NR1D2: variants seen among roughly 807,000 people sequenced by gnomAD.
NR1D2 encodes V-erbA-related protein 1-related.
Under a neutral mutation model 52.2 loss-of-function variants are expected in NR1D2, and 25 were observed. The observed-to-expected ratio is 0.48, with a 90% CI of 0.35 to 0.67. The LOEUF (loss-of-function observed/expected upper bound fraction) is 0.67, where lower values mean the gene tolerates loss of function less well. NR1D2 is among the 30% of genes least tolerant of loss of function. The pLI, the probability that NR1D2 is intolerant of heterozygous loss-of-function variation, is 0.01. For missense variants in NR1D2, 681 were observed against 707.2 expected (o/e 0.96, Z 0.42); for synonymous variants, 259 against 230.1 (o/e 1.13, Z -1.14).
At position 23,967,931 on chromosome 3, in the gene NR1D2, A is replaced by G. The variant is rs150332369; in HGVS notation, c.1451A>G (p.Asn484Ser). The G allele has an allele frequency of 1.2e-6, 2 of 1,613,864 alleles. No individual in the cohort carries two copies. The highest frequency in any genetic ancestry group is 1.3e-5 in the African/African-American group (1 of 74,890). Residue 484 changes from asparagine (N) to serine (S), a missense_variant, in exon 7 of 8, where the codon AAC becomes AGC. Asn to Ser is a conservative substitution (Grantham distance 46, BLOSUM62 1). Transcript: ENST00000312521. ...TCAATGGGAGCAGGGGATCTGCTAAACTCTATGTTTGAATTTAGTGAGAAG... is the reference window on the plus strand; with the variant it reads ...TCAATGGGAGCAGGGGATCTGCTAAGCTCTATGTTTGAATTTAGTGAGAAG... ...LHSMGAGDLL[N>S]SMFEFSEKLN... is the part of the protein sequence containing the mutation.
chr3:23,960,834 G>C (rs1027706733), intron 4 of NR1D2, among the ~76,000 whole-genome samples: 1 of 152,136 alleles, frequency 6.6e-6, no homozygotes, highest in Non-Finnish European at 1.5e-5. Context: ...GTTTGTTTTT[G>C]GTAGCAATAA....
intron 7 of NR1D2, among the ~76,000 whole-genome samples, chr3:23,972,782 A>G (rs1214256982): frequency 6.6e-6 from 1 of 152,142 alleles, no homozygotes; most frequent in Non-Finnish European, 1.5e-5. Flanking sequence ...CAACATGTGT[A>G]CTCTTAACAT....
In NR1D2 at chr3:23,978,321, G is replaced by T. The variant is rs1283892836; in HGVS notation, c.*902G>T. ...TCATACAGGAAACTTAAAACAAGAG[G>T]TGTCAAAAGACCCAAATTAGGTGCA... On this transcript the variant is annotated 3_prime_UTR_variant, in exon 8 of 8. Coordinates refer to ENST00000312521, the MANE Select transcript of NR1D2 (RefSeq NM_005126.5). The T allele has an allele frequency of 6.6e-6, 1 of 152,034 alleles. No homozygotes were observed. The allele number at this position is 152,034 out of a possible 1,614,324, so 9.4% of individuals were successfully genotyped here.
chr3:23,968,598 A>T (rs192636721), intron 7 of NR1D2, among the ~76,000 whole-genome samples: 1 of 152,340 alleles, frequency 6.6e-6, no homozygotes, highest in African/African-American at 2.4e-5. Context: ...TGTCTGGCAT[A>T]GAAGAGCTAC....
At chr3:23,952,161 C>CT (rs1428553375) in intron 1 of NR1D2, among the ~76,000 whole-genome samples, 1 of 152,122 alleles carries the variant, frequency 6.6e-6, no homozygotes, top group Non-Finnish European at 1.5e-5. Flanking sequence ...AGGGCCCACA[C>CT]TTTGAGATGG....
rs1422395713 is a variant in NR1D2, at chr3:23,961,420, G to C, written c.518-557G>C. On this transcript the variant is annotated intron_variant, in intron 4 of 7. Coordinates refer to ENST00000312521, the MANE Select transcript of NR1D2 (RefSeq NM_005126.5). ...TTTTTTTTTTTTTTTTTTTAAGATGGAGTATTGCTCTGTCACCTAGGCTGG... is the reference window on the plus strand; with the variant it reads ...TTTTTTTTTTTTTTTTTTTAAGATGCAGTATTGCTCTGTCACCTAGGCTGG... Among the ~76,000 whole-genome samples the C allele has an allele frequency of 2.4e-5, 3 of 124,028 alleles. No individual in the cohort carries two copies. In the Admixed American group the frequency reaches 2.9e-4, roughly 12 times the overall value. 81.4% of individuals were successfully genotyped at this position (124,028 alleles called of 152,430 possible). A position where few individuals can be genotyped will look rare whatever the true frequency, so the allele number is the denominator to read the frequency against.
rs201106205 is a variant in NR1D2, at chr3:23,962,198, G to C, written c.739G>C (p.Asp247His). 3 of 1,614,152 alleles carry C rather than the reference G, an allele frequency of 1.9e-6. No individual in the cohort carries two copies. Among genetic ancestry groups the C allele is most frequent in the Non-Finnish European group, 2.5e-6 (3 of 1,180,030 alleles). ...CAAAAGCTCTTCTCCTCCATCTTCT[G>C]ATTTTGCAAAGGAAGAAGTGATTGG... The part of the protein sequence containing the change: ...NIKSSSPPSS[D>H]FAKEEVIGMV... Residue 247 changes from aspartate (D) to histidine (H), a missense_variant, in exon 5 of 8, where the codon GAT becomes CAT. Around this residue, in one of 3 missense-constraint regions of NR1D2, gnomAD observed 475 missense variants for 454.5 expected, o/e 1.05. Coordinates refer to ENST00000312521, the MANE Select transcript of NR1D2 (RefSeq NM_005126.5).
chr3:23,957,885 A>T (rs530900346), intron 3 of NR1D2, among the ~76,000 whole-genome samples: 3 of 152,166 alleles, frequency 2.0e-5, no homozygotes. Flanking sequence ...TATCTAAGTC[A>T]AGTGTATAGT....
intron 7 of NR1D2, among the ~76,000 whole-genome samples, chr3:23,974,151 A>C (rs1054052883): frequency 2.4e-5 from 3 of 127,518 alleles, no homozygotes; most frequent in Non-Finnish European, 3.1e-5. Flanking sequence ...CATGCCTGTA[A>C]TCCCAGCACT....
chr3:23,970,752 G>A (rs73038519), intron 7 of NR1D2, among the ~76,000 whole-genome samples: 1 of 151,974 alleles, frequency 6.6e-6, no homozygotes, highest in Non-Finnish European at 1.5e-5. Context: ...AAAATTACTA[G>A]CTGTTTTTTG....
chr3:23,951,945 T>C (rs1169354981), intron 1 of NR1D2, among the ~76,000 whole-genome samples: 1 of 152,220 alleles, frequency 6.6e-6, no homozygotes, highest in Non-Finnish European at 1.5e-5. Flanking sequence ...GATTTTAGAA[T>C]AAATGGTAGA....
chr3:23,969,616 G>T (rs752875184), intron 7 of NR1D2, among the ~76,000 whole-genome samples: 1 of 152,232 alleles, frequency 6.6e-6, no homozygotes, highest in Non-Finnish European at 1.5e-5. Flanking sequence ...ATCAATACTT[G>T]TTAAATTATT....
Position 23,962,515 on chromosome 3 carries a change from A to T in NR1D2, c.1056A>T (p.Gln352His). The stretch of plus-strand genomic sequence containing the variant: ...TGAACTTCTCCAATGCTTATACTCA[A>T]AGAGTATGTGATAGAGTTCCGATAG... ...HCMNFSNAYT[Q>H]RVCDRVPIDG... The change falls in exon 5 of 8, where the codon CAA (glutamine) becomes CAT (histidine). Residue 352 changes from glutamine (Q) to histidine (H), a missense_variant. Transcript: ENST00000312521. 1 of 1,613,292 alleles carries T rather than the reference A, an allele frequency of 6.2e-7. No homozygotes were observed. The highest frequency in any genetic ancestry group is 8.5e-7 in the Non-Finnish European group (1 of 1,179,200).
chr3:23,974,576 A>C, intron 7 of NR1D2, among the ~76,000 whole-genome samples: 1 of 152,208 alleles, frequency 6.6e-6, no homozygotes, highest in Non-Finnish European at 1.5e-5. Flanking sequence ...AACAGTAACC[A>C]GTACATATGT....
rs1706835011 is a variant in NR1D2, at chr3:23,979,950, A to C, written c.*2531A>C. 6.6e-6 allele frequency: 1 copy of C among 152,128 alleles called. No homozygotes were observed. The highest frequency in any genetic ancestry group is 2.4e-5 in the African/African-American group (1 of 41,448). 9.4% of individuals were successfully genotyped at this position (152,128 alleles called of 1,614,324 possible). A position where few individuals can be genotyped will look rare whatever the true frequency, so the allele number is the denominator to read the frequency against. ...AAGGGCATTATGTCAGCAAGCTAAAACATTTTTTTTCCTGTGCTTTTAATG... is the reference window on the plus strand; with the variant it reads ...AAGGGCATTATGTCAGCAAGCTAAACCATTTTTTTTCCTGTGCTTTTAATG... On this transcript the variant is annotated 3_prime_UTR_variant, in exon 8 of 8. Transcript: ENST00000312521.
chr3:23,947,860 G>C (rs1287813768), intron 1 of NR1D2, among the ~76,000 whole-genome samples: 1 of 152,192 alleles, frequency 6.6e-6, no homozygotes, highest in East Asian at 1.9e-4. Flanking sequence ...GCTCACGCCT[G>C]TAATCCCAGC....
intron 1 of NR1D2, among the ~76,000 whole-genome samples, chr3:23,951,403 T>C (rs1227400498): frequency 1.1e-4 from 16 of 152,240 alleles, no homozygotes; most frequent in Admixed American, 1.0e-3. Context: ...AGCTGTGAGA[T>C]CTTCCTTTGG....
chr3:23,967,894 G>A lies in NR1D2; in HGVS notation c.1414G>A (p.Asp472Asn). The A allele has an allele frequency of 6.2e-7, 1 of 1,613,798 alleles. No homozygotes were observed. Among genetic ancestry groups the A allele is most frequent in the Non-Finnish European group, 8.5e-7 (1 of 1,179,680 alleles). ...TTTAAGTGGAAAGAAATATAGTGTG[G>A]ATGATTTACACTCAATGGGAGCAGG... ...TFLSGKKYSV[D>N]DLHSMGAGDL... Residue 472 changes from aspartate to asparagine, a missense_variant, in exon 7 of 8, where the codon GAT becomes AAT. Physicochemically the swap from Asp to Asn is conservative, Grantham distance 23. Transcript: ENST00000312521.
intron 5 of NR1D2, chr3:23,963,531 C>A: frequency 3.2e-6 from 1 of 308,204 alleles, no homozygotes; most frequent in Non-Finnish European, 4.7e-6. Flanking sequence ...CTCATTGCAA[C>A]CTCCACCTCT....
Sources: allele counts gnomAD v4.1 joint callset (sites outside exome capture counted in the v4.1 genomes callset), GRCh38; gene constraint gnomAD v4.1.1; regional missense constraint gnomAD v4.1.1; transcripts MANE v1.5; gene names NCBI Gene and HGNC (gene_info 2026-07-23, HGNC 2026-07-21).